KPNA3: variants seen among roughly 807,000 people sequenced by gnomAD.
KPNA3 encodes karyopherin subunit alpha 3, also known as importin subunit alpha-4.
A neutral mutation model predicts 73.8 loss-of-function variants in KPNA3; 13 were observed. That is an observed-to-expected ratio of 0.18 (90% CI 0.11 to 0.28). KPNA3 has a LOEUF of 0.28. Ranked by LOEUF, KPNA3 falls within the 10% of genes least tolerant of loss-of-function variation. KPNA3 has a pLI of 1.00. For synonymous variants in KPNA3, 186 were observed against 206.9 expected (o/e 0.90, Z 0.87); for missense variants, 360 against 618.1 (o/e 0.58, Z 4.43).
At chr13:49,789,578 A>G (rs1955016450) in intron 1 of KPNA3, among the ~76,000 whole-genome samples, 1 of 152,178 alleles carries the variant, frequency 6.6e-6, no homozygotes, top group East Asian at 1.9e-4. Context: ...TAGGCATCAT[A>G]GCTTATCAAA....
At chr13:49,704,430 ATAAAAAAT>A (rs1566330770) in intron 15 of KPNA3, among the ~76,000 whole-genome samples, 4 of 84,012 alleles carry the variant, frequency 4.8e-5, no homozygotes, top group African/African-American at 7.6e-5. Context: ...AAATAAATAA[ATAAAAAAT>A]AAATAAATAA....
rs1017806493 is a variant in KPNA3, at chr13:49,792,576, G to A, written c.-70C>T. 3.9e-6 allele frequency: 3 copies of A among 764,790 alleles called. No individual in the cohort carries two copies. Among genetic ancestry groups the A allele is most frequent in the Non-Finnish European group, 4.1e-6 (2 of 485,166 alleles). 47.4% of individuals were successfully genotyped at this position (764,790 alleles called of 1,614,324 possible). On this transcript the variant is annotated 5_prime_UTR_variant, in exon 1 of 17. Coordinates refer to ENST00000261667, the MANE Select transcript of KPNA3 (RefSeq NM_002267.4). ...GCGGCGGCGGCGAATCTTGGAGCGG[G>A]AGGGGGAGGAGGGGGAGAGCGGGAG...
chr13:49,792,547 G>C lies in KPNA3; in HGVS notation c.-41C>G. The stretch of plus-strand genomic sequence containing the variant: ...CGGCGGCGGCTACTCCTGCGGCTGC[G>C]GCGGCGGCGGCGGCGAATCTTGGAG... On this transcript the variant is annotated 5_prime_UTR_variant, in exon 1 of 17. Coordinates refer to ENST00000261667, the MANE Select transcript of KPNA3 (RefSeq NM_002267.4). 8.2e-7 allele frequency: 1 copy of C among 1,226,566 alleles called. No individual in the cohort carries two copies. The highest frequency in any genetic ancestry group is 2.8e-5 in the East Asian group (1 of 35,366). The allele number at this position is 1,226,566 out of a possible 1,614,324, so 76.0% of individuals were successfully genotyped here. A position where few individuals can be genotyped will look rare whatever the true frequency, so the allele number is the denominator to read the frequency against.
At chr13:49,785,535 T>C (rs1279959321) in intron 1 of KPNA3, among the ~76,000 whole-genome samples, 2 of 152,150 alleles carry the variant, frequency 1.3e-5, no homozygotes, top group Non-Finnish European at 2.9e-5. Flanking sequence ...CAGCAGATGA[T>C]TTTATGAAAT....
chr13:49,749,473 C>A (rs1243424100), intron 1 of KPNA3, among the ~76,000 whole-genome samples: 1 of 152,192 alleles, frequency 6.6e-6, no homozygotes. Flanking sequence ...GCAGGCCCTA[C>A]AGCACAACTT....
chr13:49,785,828 A>G (rs796743083), intron 1 of KPNA3, among the ~76,000 whole-genome samples: 6 of 152,294 alleles, frequency 3.9e-5, no homozygotes, highest in African/African-American at 1.4e-4. Context: ...ACTTAGGAAG[A>G]AGAGGGAAAT....
intron 1 of KPNA3, among the ~76,000 whole-genome samples, chr13:49,763,870 C>T (rs1397262112): frequency 6.6e-6 from 1 of 152,046 alleles, no homozygotes; most frequent in Non-Finnish European, 1.5e-5. Flanking sequence ...AGTTCAAGAA[C>T]AGGCTGGGCA....
chr13:49,761,454 T>C (rs565793378), intron 1 of KPNA3, among the ~76,000 whole-genome samples: 92 of 152,396 alleles, frequency 6.0e-4, no homozygotes, highest in Middle Eastern at 3.4e-3. Flanking sequence ...TTGGCCGGGC[T>C]GGTCTCCAGC....
chr13:49,727,886 C>T (rs1313932386), intron 6 of KPNA3, among the ~76,000 whole-genome samples: 1 of 152,120 alleles, frequency 6.6e-6, no homozygotes, highest in African/African-American at 2.4e-5. Flanking sequence ...TAAAACTTTA[C>T]GGGGAAAATG....
intron 6 of KPNA3, 101 bp from the exon 7 acceptor site, chr13:49,725,602 G>T: frequency 1.5e-6 from 1 of 654,218 alleles, no homozygotes; most frequent in Non-Finnish European, 2.4e-6. Context: ...CCTTGTCCTT[G>T]AATTTCACCT....
chr13:49,769,307 G>A (rs894390880), intron 1 of KPNA3, among the ~76,000 whole-genome samples: 2 of 152,106 alleles, frequency 1.3e-5, no homozygotes, highest in East Asian at 1.9e-4. Flanking sequence ...TAATGCCCAC[G>A]CCATAAAATT....
chr13:49,756,922 T>C (rs994771852), intron 1 of KPNA3, among the ~76,000 whole-genome samples: 2 of 152,198 alleles, frequency 1.3e-5, no homozygotes, highest in Admixed American at 6.5e-5. Flanking sequence ...ACTGATTTTT[T>C]ACAAAGGTGC....
chr13:49,752,129 T>C (rs1954668095), intron 1 of KPNA3, among the ~76,000 whole-genome samples: 1 of 152,090 alleles, frequency 6.6e-6, no homozygotes, highest in South Asian at 2.1e-4. Flanking sequence ...TTGAGAACAG[T>C]TGCAAATGGA....
chr13:49,779,435 T>C (rs1408704896), intron 1 of KPNA3, among the ~76,000 whole-genome samples: 2 of 152,216 alleles, frequency 1.3e-5, no homozygotes, highest in East Asian at 3.9e-4. Context: ...TCCTCATTTC[T>C]GCCTGTACTT....
chr13:49,757,212 T>C (rs1954718915), intron 1 of KPNA3, among the ~76,000 whole-genome samples: 1 of 151,910 alleles, frequency 6.6e-6, no homozygotes, highest in Admixed American at 6.6e-5. Context: ...AAAAACTATT[T>C]TGCTCTTTGA....
intron 2 of KPNA3, among the ~76,000 whole-genome samples, chr13:49,740,506 G>A (rs1954563881): frequency 6.6e-6 from 1 of 152,122 alleles, no homozygotes; most frequent in Non-Finnish European, 1.5e-5. Context: ...TCTCATGATA[G>A]TGAATGAGTG....
intron 10 of KPNA3, 50 bp from the exon 11 acceptor site, chr13:49,711,072 T>C (rs1347190842): frequency 4.7e-5 from 73 of 1,548,804 alleles, no homozygotes; most frequent in Non-Finnish European, 6.4e-5. Flanking sequence ...TTTGAATGCT[T>C]TACTTGTTCA....
chr13:49,717,337 G>C (rs965677461), intron 10 of KPNA3, among the ~76,000 whole-genome samples: 1 of 150,978 alleles, frequency 6.6e-6, no homozygotes, highest in Admixed American at 6.6e-5. Flanking sequence ...GGCTGAGGCA[G>C]GAGAATTCCT....
In KPNA3 at chr13:49,700,537, G is replaced by A. The variant is rs748678; in HGVS notation, c.*1263C>T. 30,896 of 152,530 alleles carry A rather than the reference G, an allele frequency of 0.2. 3,701 individuals are homozygous for A. The highest frequency in any genetic ancestry group is 0.3 in the Middle Eastern group (88 of 294). 9.4% of individuals were successfully genotyped at this position (152,530 alleles called of 1,614,324 possible). On this transcript the variant is annotated 3_prime_UTR_variant, in exon 17 of 17. Transcript: ENST00000261667. ...ATTACTTAGAGATCACTGCAAATCA[G>A]GTTTATGTTAAATAACTGCAAATTA...
Sources: gnomAD v4.1 joint callset for allele counts (sites outside exome capture counted in the v4.1 genomes callset) on GRCh38, gnomAD v4.1.1 for gene constraint, MANE v1.5 for transcripts, NCBI Gene and HGNC (gene_info 2026-07-23, HGNC 2026-07-21) for gene names.